The following CBR4 variants were observed in gnomAD, a reference collection of about 807,000 sequenced individuals.
CBR4 encodes the protein 3-oxoacyl-[acyl-carrier-protein] reductase.
In CBR4, 22 loss-of-function variants were observed where a neutral mutation model predicts 21.0. The ratio of observed to expected loss-of-function variants is 1.05; its 90% CI spans 0.75 to 1.50. CBR4 has a LOEUF of 1.50. Among genes scored for constraint, CBR4 ranks in the 40% most tolerant of loss-of-function variants. The pLI, the probability that CBR4 is intolerant of heterozygous loss-of-function variation, is 0.00. For missense variants in CBR4, 302 were observed against 286.3 expected, an observed-to-expected ratio of 1.05 and a Z score of -0.40; for synonymous variants, 100 against 104.4, an observed-to-expected ratio of 0.96 and a Z score of 0.26.
In CBR4 at chr4:168,898,606, G is replaced by A. The variant is rs1476699268; in HGVS notation, n.170-3841C>T. On this transcript the variant is annotated intron_variant and non_coding_transcript_variant, in intron 2 of 3. Coordinates refer to the CBR4 transcript ENST00000509108. ...AAGTTCAGTATGGAGATGTGCCTGTGGAAAATGGAATGGCACCATTCTTTG... is the reference window on the plus strand; with the variant it reads ...AAGTTCAGTATGGAGATGTGCCTGTAGAAAATGGAATGGCACCATTCTTTG... 3.1e-6 allele frequency: 5 copies of A among 1,613,610 alleles called. No homozygotes were observed. The highest frequency in any genetic ancestry group is 2.2e-5 in the East Asian group (1 of 44,886).
chr4:168,903,864 AGAT>A, intron 2 of CBR4: 1 of 1,613,932 alleles, frequency 6.2e-7, no homozygotes, highest in South Asian at 1.1e-5. Flanking sequence ...CCTCCACCCT[AGAT>A]GATGATGGGA....
At chr4:168,917,785 C>T (rs187494393) in intron 2 of CBR4, among the ~76,000 whole-genome samples, 2 of 152,000 alleles carry the variant, frequency 1.3e-5, no homozygotes, top group African/African-American at 4.8e-5. Flanking sequence ...AATTGTGTTT[C>T]AGTCTGTATA....
chr4:168,934,836 G>A (rs971858756), intron 2 of CBR4, among the ~76,000 whole-genome samples: 14 of 151,956 alleles, frequency 9.2e-5, no homozygotes, highest in Non-Finnish European at 1.3e-4. Flanking sequence ...ATTTTACAGG[G>A]CCAGCATAAT....
chr4:168,990,359 G>T lies in CBR4; in HGVS notation c.536-31C>A, dbSNP rs763624961. 7.9e-6 allele frequency: 12 copies of T among 1,519,868 alleles called. No individual in the cohort carries two copies. The South Asian group carries it at 1.5e-4, about 19-fold the overall frequency. The allele number at this position is 1,519,868 out of a possible 1,614,324, so 94.1% of individuals were successfully genotyped here. A position where few individuals can be genotyped will look rare whatever the true frequency, so the allele number is the denominator to read the frequency against. On this transcript the variant is annotated intron_variant, in intron 4 of 4. Transcript: ENST00000306193. ...AGAGAAATGTTTGTTTAGTTGAAAA[G>T]GGTACACACTAAGACATCTGCTGAA...
At chr4:168,963,057 A>G (rs1256093751) in intron 2 of CBR4, among the ~76,000 whole-genome samples, 3 of 152,218 alleles carry the variant, frequency 2.0e-5, no homozygotes, top group Admixed American at 6.5e-5. Flanking sequence ...TAATTGTCCA[A>G]ATAAAACTGT....
At chr4:168,905,883 T>C (rs1194863869) in intron 2 of CBR4, among the ~76,000 whole-genome samples, 1 of 146,366 alleles carries the variant, frequency 6.8e-6, no homozygotes, top group Middle Eastern at 3.2e-3. Context: ...CACTGCAGTC[T>C]CCACCTCCTG....
At chr4:168,944,008 A>G (rs1166682947) in intron 2 of CBR4, among the ~76,000 whole-genome samples, 2 of 152,214 alleles carry the variant, frequency 1.3e-5, no homozygotes, top group African/African-American at 4.8e-5. Flanking sequence ...GAGACTCTAC[A>G]AGATTTCAAG....
At chr4:168,906,479 C>G (rs1244118541) in intron 2 of CBR4, among the ~76,000 whole-genome samples, 1 of 152,110 alleles carries the variant, frequency 6.6e-6, no homozygotes, top group Non-Finnish European at 1.5e-5. Flanking sequence ...CATTTAAACT[C>G]TCTTGACAAA....
intron 2 of CBR4, among the ~76,000 whole-genome samples, chr4:168,935,764 A>G (rs981097494): frequency 6.6e-6 from 1 of 152,212 alleles, no homozygotes; most frequent in African/African-American, 2.4e-5. Context: ...AGTCCCAGTC[A>G]GGGGCTCATA....
rs182659082 is a variant in CBR4 at position 168,961,806 on chromosome 4, C to T, written n.169+40265G>A. ...TCATGAAGCTGAGGCAGGAGAATTG[C>T]TTGAACCCGGGAGGCGGAGGTTACA... On this transcript the variant is annotated intron_variant and non_coding_transcript_variant, in intron 2 of 3. Coordinates refer to the CBR4 transcript ENST00000509108. Among the ~76,000 whole-genome samples the T allele has an allele frequency of 6.2e-4, 95 of 152,258 alleles. 1 individual carries two copies. In the East Asian group the frequency reaches 0.013, roughly 21 times the overall value.
downstream of CBR4, among the ~76,000 whole-genome samples, chr4:168,985,725 C>A (rs182258485): frequency 6.3e-4 from 96 of 152,286 alleles, no homozygotes; most frequent in African/African-American, 2.3e-3. Flanking sequence ...ATTATGAGAT[C>A]ATGACCTTTG....
rs1363674362 is a variant in CBR4, at chr4:168,908,462, CAT to C, written n.170-13699_170-13698del. 5.3e-5 allele frequency among the ~76,000 whole-genome samples: 8 copies of C among 152,076 alleles called. No homozygotes were observed. In the East Asian group the frequency reaches 7.7e-4, roughly 15 times the overall value. On this transcript the variant is annotated intron_variant and non_coding_transcript_variant, in intron 2 of 3. Transcript: ENST00000509108. ...TTTTCTTATAATTTATGAATTAAGA[CAT>C]GAGTTTAAATAGTCATGTCATAAAA...
chr4:168,896,208 C>CA (rs35567491), intron 2 of CBR4, among the ~76,000 whole-genome samples: 92,170 of 132,004 alleles, frequency 0.7, 32,041 homozygotes, highest in East Asian at 0.93. Context: ...GACTCCATCT[C>CA]AAAAAAAAAA....
chr4:169,002,470 T>G (rs1455556759), intron 3 of CBR4, among the ~76,000 whole-genome samples: 1 of 152,208 alleles, frequency 6.6e-6, no homozygotes, highest in Admixed American at 6.5e-5. Context: ...ATTGATTCAC[T>G]ACGTGAAGGG....
At chr4:169,008,498 T>C (rs1458107533) in intron 1 of CBR4, among the ~76,000 whole-genome samples, 1 of 152,226 alleles carries the variant, frequency 6.6e-6, no homozygotes, top group African/African-American at 2.4e-5. Context: ...ATTTTCTGTC[T>C]GACCTTGATA....
intron 1 of CBR4, among the ~76,000 whole-genome samples, chr4:169,008,108 T>A (rs1244336836): frequency 1.3e-5 from 2 of 152,230 alleles, no homozygotes; most frequent in Admixed American, 1.3e-4. Flanking sequence ...CTGGGTTTTA[T>A]ATTCCTTTTT....
chr4:168,897,003 G>GT (rs1173522459), intron 2 of CBR4, among the ~76,000 whole-genome samples: 1 of 151,970 alleles, frequency 6.6e-6, no homozygotes, highest in Non-Finnish European at 1.5e-5. Context: ...GGCTAATTTT[G>GT]TATTTTTAGC....
intron 2 of CBR4, among the ~76,000 whole-genome samples, chr4:168,944,058 T>G (rs886435511): frequency 1.3e-5 from 2 of 152,226 alleles, no homozygotes; most frequent in Non-Finnish European, 2.9e-5. Context: ...ACTTTTTAAA[T>G]TTATAAAATG....
chr4:169,008,558 G>T (rs1412792585), intron 1 of CBR4, among the ~76,000 whole-genome samples: 1 of 152,084 alleles, frequency 6.6e-6, no homozygotes, highest in Non-Finnish European at 1.5e-5. Context: ...AACAGTAAGC[G>T]ACCCGGGGAA....
Sources: allele counts gnomAD v4.1 joint callset (sites outside exome capture counted in the v4.1 genomes callset), GRCh38; gene constraint gnomAD v4.1.1; transcripts MANE v1.5; gene names NCBI Gene and HGNC (gene_info 2026-07-23, HGNC 2026-07-21).